Variants in ZNF496 observed in about 807,000 individuals in gnomAD.
ZNF496 encodes zinc finger protein 496, also known as NSD1 (nuclear receptor binding SET-domain containing 1)-interacting zinc finger protein 1.
In ZNF496, 11 loss-of-function variants were observed where a neutral mutation model predicts 58.9. The observed-to-expected ratio is 0.19, with a 90% CI of 0.12 to 0.31. The LOEUF (loss-of-function observed/expected upper bound fraction) is 0.31. Among genes scored for constraint, ZNF496 ranks in the 10% least tolerant of loss-of-function variants. The pLI, the probability that ZNF496 is intolerant of heterozygous loss-of-function variation, is 1.00. For missense variants in ZNF496, 660 were observed against 783.0 expected (o/e 0.84, Z 1.88); for synonymous variants, 338 against 318.2 (o/e 1.06, Z -0.66).
intron 9 of ZNF496, among the ~76,000 whole-genome samples, chr1:247,303,083 T>C (rs1367563405): frequency 1.3e-5 from 2 of 152,172 alleles, no homozygotes; most frequent in African/African-American, 2.4e-5. Flanking sequence ...CAGAATGTGA[T>C]TACTTGGAGA....
intron 5 of ZNF496, among the ~76,000 whole-genome samples, chr1:247,325,327 G>A (rs779063549): frequency 2.6e-5 from 4 of 152,174 alleles, no homozygotes; most frequent in Non-Finnish European, 4.4e-5. Flanking sequence ...CTGTGTGTAT[G>A]TTCCATTTTA....
chr1:247,310,539 C>G lies in ZNF496; in HGVS notation c.652-83G>C. The G allele has an allele frequency of 1.9e-6, 3 of 1,556,410 alleles. No individual in the cohort carries two copies. In the South Asian group the frequency reaches 3.4e-5, roughly 18 times the overall value. On this transcript the variant is annotated intron_variant, in intron 6 of 9. Transcript: ENST00000682384. The stretch of plus-strand genomic sequence containing the variant: ...TTAGTCCACTGAGGCTGTGACAACA[C>G]AACGCTGTAGGACGGGCAGTTTCTA...
intron 6 of ZNF496, among the ~76,000 whole-genome samples, chr1:247,321,554 A>G (rs1419465164): frequency 6.6e-6 from 1 of 152,236 alleles, no homozygotes; most frequent in African/African-American, 2.4e-5. Flanking sequence ...AAATTAAAAA[A>G]CACTTATAAA....
At chr1:247,318,477 A>G (rs927327701) in intron 6 of ZNF496, among the ~76,000 whole-genome samples, 2 of 152,250 alleles carry the variant, frequency 1.3e-5, no homozygotes, top group Non-Finnish European at 1.5e-5. Flanking sequence ...GAAGAAAAAA[A>G]TCTTAAAGGT....
At chr1:247,318,517 G>C (rs1659857385) in intron 6 of ZNF496, among the ~76,000 whole-genome samples, 1 of 152,196 alleles carries the variant, frequency 6.6e-6, no homozygotes, top group Non-Finnish European at 1.5e-5. Context: ...CTTCCTTACA[G>C]GGAAAAAGTT....
In ZNF496 at chr1:247,308,692, C is replaced by A; in HGVS notation, c.893-104G>T. Reference sequence around the variant, plus strand: ...GCCAGGCTACGATCTGGGGGCGGCCCTGGGCTCCGTCCTGGGGACTGGCAG... The same window carrying A: ...GCCAGGCTACGATCTGGGGGCGGCCATGGGCTCCGTCCTGGGGACTGGCAG... On this transcript the variant is annotated intron_variant, in intron 8 of 9. Transcript: ENST00000682384. The surrounding 1 kb of genome is among the most constrained non-coding windows in gnomAD (Gnocchi z 4.5). 9.0e-7 allele frequency: 1 copy of A among 1,108,616 alleles called. No homozygotes were observed. The highest frequency in any genetic ancestry group is 2.5e-5 in the East Asian group (1 of 40,234). The allele number at this position is 1,108,616 out of a possible 1,614,324, so 68.7% of individuals were successfully genotyped here.
At position 247,301,231 on chromosome 1, in the gene ZNF496, A is replaced by T. The variant is rs1182210966; in HGVS notation, c.1052T>A (p.Val351Glu). 1.3e-6 allele frequency: 2 copies of T among 1,535,700 alleles called. No homozygotes were observed. Among genetic ancestry groups the T allele is most frequent in the Non-Finnish European group, 1.7e-6 (2 of 1,143,062 alleles). Residue 351 changes from valine to glutamate, a missense_variant, in exon 10 of 10, where the codon GTG becomes GAG. By Grantham distance (121) the Val-to-Glu change is moderately radical. Transcript: ENST00000682384. ...RSLENSLDEE[V>E]TIEIVLSSSG... is the part of the protein sequence containing the mutation. ...GCTGGAGAGAACGATCTCGATGGTC[A>T]CTTCTTCATCCAGGCTGTTCTCTAG...
At chr1:247,307,908 T>C (rs1659468321) in intron 9 of ZNF496, 15 of 985,430 alleles carry the variant, frequency 1.5e-5, no homozygotes, top group Non-Finnish European at 1.8e-5. Context: ...CTGTGGCTAT[T>C]TCTCTGAAAG....
In ZNF496 at chr1:247,329,243, C is replaced by T; in HGVS notation, c.336G>A (p.Gln112=). Residue 112 remains glutamine (Q), a synonymous_variant, in exon 4 of 10, where the codon CAG becomes CAA. Transcript: ENST00000682384. This position sits in a 1 kb window ranked among gnomAD's most constrained non-coding sequence, Gnocchi z 5.5. ...VRAQEPESGE[Q]AVAAVEALER... The stretch of plus-strand genomic sequence containing the variant: ...CCAGTGCCTCCACCGCGGCCACAGC[C>T]TGCTCTCCGCTCTCAGGCTCCTGCG... The T allele has an allele frequency of 4.3e-6, 7 of 1,613,652 alleles. No homozygotes were observed. Among genetic ancestry groups the T allele is most frequent in the Non-Finnish European group, 5.9e-6 (7 of 1,180,034 alleles).
chr1:247,301,867 G>C (rs2103015110), intron 9 of ZNF496, among the ~76,000 whole-genome samples: 1 of 152,322 alleles, frequency 6.6e-6, no homozygotes, highest in Admixed American at 6.5e-5. Context: ...GGGCTGAAAT[G>C]CTACTCAGCC....
intron 9 of ZNF496, chr1:247,304,100 C>T: frequency 2.4e-6 from 1 of 417,004 alleles, no homozygotes; most frequent in South Asian, 1.7e-5. Context: ...AAGGCTAGGA[C>T]TTCTGGGATT....
chr1:247,302,977 C>A (rs1225240064), intron 9 of ZNF496, among the ~76,000 whole-genome samples: 1 of 152,050 alleles, frequency 6.6e-6, no homozygotes, highest in South Asian at 2.1e-4. Context: ...GTTAACTGGG[C>A]GAGGAGATGG....
intron 9 of ZNF496, among the ~76,000 whole-genome samples, chr1:247,304,310 C>T (rs190546192): frequency 9.3e-4 from 141 of 151,556 alleles, no homozygotes; most frequent in African/African-American, 3.0e-3. Context: ...GCCTGGAGAA[C>T]AGAGAACTGA....
intron 5 of ZNF496, among the ~76,000 whole-genome samples, chr1:247,323,494 C>G (rs1250431272): frequency 2.0e-5 from 3 of 152,090 alleles, no homozygotes; most frequent in Non-Finnish European, 4.4e-5. Flanking sequence ...CCAGATATAA[C>G]AAGGGGGGCT....
intron 5 of ZNF496, among the ~76,000 whole-genome samples, chr1:247,326,662 C>T (rs1194069024): frequency 6.6e-6 from 1 of 152,182 alleles, no homozygotes; most frequent in African/African-American, 2.4e-5. Flanking sequence ...TTATGGCCCT[C>T]TCAAATTCCT....
In ZNF496 at chr1:247,309,475, C is replaced by T; in HGVS notation, c.892+224G>A. Reference sequence around the variant, plus strand: ...AAAGACATTCCTATTATTTCCCAGTCCTTGGCCAAGGGAGTACAATTCCAA... The same window carrying T: ...AAAGACATTCCTATTATTTCCCAGTTCTTGGCCAAGGGAGTACAATTCCAA... On this transcript the variant is annotated intron_variant, in intron 8 of 9. Transcript: ENST00000682384. The surrounding 1 kb of genome is among the most constrained non-coding windows in gnomAD (Gnocchi z 4.3). The T allele has an allele frequency of 4.3e-6, 6 of 1,384,358 alleles. No individual in the cohort carries two copies. The highest frequency in any genetic ancestry group is 5.6e-6 in the Non-Finnish European group (6 of 1,073,232). The allele number at this position is 1,384,358 out of a possible 1,614,324, so 85.8% of individuals were successfully genotyped here.
At chr1:247,313,616 T>C (rs1295384232) in intron 6 of ZNF496, 2 of 152,240 alleles carry the variant, frequency 1.3e-5, no homozygotes, top group African/African-American at 4.8e-5. Context: ...CTAAAGTTTA[T>C]GTTGTTGCAC....
At chr1:247,322,584 T>C in intron 6 of ZNF496, 6 of 485,076 alleles carry the variant, frequency 1.2e-5, no homozygotes, top group South Asian at 7.7e-5. Flanking sequence ...GCGAGTAAGA[T>C]CACCTGCTGG....
Position 247,308,436 on chromosome 1 carries a change from A to T in ZNF496, c.1006+39T>A. ...TACATTCATGCGACACACCACAGAC[A>T]CACAGGGACAAACCCATACCTCCCT... On this transcript the variant is annotated intron_variant, in intron 9 of 9. Transcript: ENST00000682384. The surrounding 1 kb of genome is among the most constrained non-coding windows in gnomAD (Gnocchi z 4.5). 6.3e-7 allele frequency: 1 copy of T among 1,575,158 alleles called. No individual in the cohort carries two copies. Among genetic ancestry groups the T allele is most frequent in the East Asian group, 2.2e-5 (1 of 44,678 alleles).
Sources: allele counts gnomAD v4.1 joint callset (sites outside exome capture counted in the v4.1 genomes callset), GRCh38; gene constraint gnomAD v4.1.1; non-coding constraint Gnocchi (gnomAD v3.1); transcripts MANE v1.5; gene names NCBI Gene and HGNC (gene_info 2026-07-23, HGNC 2026-07-21).